Variants in CSMD1 observed in about 807,000 individuals in gnomAD.
CSMD1 encodes CUB and sushi domain-containing protein 1.
Under a neutral mutation model 417.5 loss-of-function variants are expected in CSMD1, and 213 were observed. The ratio of observed to expected loss-of-function variants is 0.51; its 90% CI spans 0.46 to 0.57. The LOEUF (loss-of-function observed/expected upper bound fraction) is 0.57, where lower values mean the gene tolerates loss of function less well. CSMD1 is among the 20% of genes least tolerant of loss of function. The probability of loss-of-function intolerance (pLI) is 0.00; values close to 1 mark genes in which losing one functional copy is unlikely to be tolerated. For missense variants in CSMD1, 6,923 were observed against 4,529.7 expected, an observed-to-expected ratio of 1.53 and a Z score of -15.17; for synonymous variants, 2,862 against 1,736.8, an observed-to-expected ratio of 1.65 and a Z score of -16.11.
chr8:3,760,350 G>C (rs140926513), intron 5 of CSMD1, among the ~76,000 whole-genome samples: 1 of 152,150 alleles, frequency 6.6e-6, no homozygotes, highest in Non-Finnish European at 1.5e-5. Flanking sequence ...ACTGGGTTTT[G>C]CTTCTGCTAA....
chr8:3,937,003 G>C (rs1810543320), intron 5 of CSMD1, among the ~76,000 whole-genome samples: 1 of 152,162 alleles, frequency 6.6e-6, no homozygotes, highest in African/African-American at 2.4e-5. Flanking sequence ...GAATGACTTT[G>C]TTGGGTTAAA....
At chr8:4,471,401 C>G (rs572013315) in intron 2 of CSMD1, among the ~76,000 whole-genome samples, 286 of 152,146 alleles carry the variant, frequency 1.9e-3, no homozygotes, top group African/African-American at 6.6e-3. Flanking sequence ...TGACAAGGTT[C>G]CTATACAGGT....
At chr8:3,173,785 G>A (rs1245995964) in intron 37 of CSMD1, among the ~76,000 whole-genome samples, 1 of 152,056 alleles carries the variant, frequency 6.6e-6, no homozygotes, top group Non-Finnish European at 1.5e-5. Flanking sequence ...TTCCAATTAA[G>A]AACTCTCCTC....
chr8:4,003,808 G>C (rs141296177), intron 4 of CSMD1, among the ~76,000 whole-genome samples: 4 of 151,420 alleles, frequency 2.6e-5, no homozygotes, highest in East Asian at 2.0e-4. Context: ...TGAGTATATT[G>C]TACGTGTCTG....
chr8:2,965,135 T>C, intron 59 of CSMD1, among the ~76,000 whole-genome samples: 1 of 152,168 alleles, frequency 6.6e-6, no homozygotes, highest in Non-Finnish European at 1.5e-5. Context: ...TCCCTGGCCC[T>C]TGCACAGCCG....
chr8:3,099,515 T>C (rs936678216), intron 46 of CSMD1, among the ~76,000 whole-genome samples: 8 of 152,216 alleles, frequency 5.3e-5, no homozygotes, highest in African/African-American at 1.7e-4. Context: ...GCGTTTCATT[T>C]TGTGGGATTA....
rs1157148938 is a variant in CSMD1 at position 4,565,757 on chromosome 8, T to C, written c.302+71585A>G. ...CTTAAAAAAAATATATACATATATATATATATATATATATATATATATATA... is the reference window on the plus strand; with the variant it reads ...CTTAAAAAAAATATATACATATATACATATATATATATATATATATATATA... On this transcript the variant is annotated intron_variant, in intron 2 of 69. Coordinates refer to ENST00000635120, the MANE Select transcript of CSMD1 (RefSeq NM_033225.6). Among the ~76,000 whole-genome samples the C allele has an allele frequency of 2.1e-3, 13 of 6,268 alleles. No homozygotes were observed. In the East Asian group the frequency reaches 0.031, roughly 15 times the overall value. The allele number at this position is 6,268 out of a possible 152,430, so 4.1% of individuals were successfully genotyped here.
At chr8:4,324,504 C>G (rs1009739397) in intron 3 of CSMD1, among the ~76,000 whole-genome samples, 6 of 152,176 alleles carry the variant, frequency 3.9e-5, no homozygotes, top group East Asian at 1.9e-4. Flanking sequence ...GAAGTGCACA[C>G]AAAAGAGGGT....
chr8:3,156,198 A>C (rs1055044210), intron 39 of CSMD1, among the ~76,000 whole-genome samples: 11 of 152,192 alleles, frequency 7.2e-5, no homozygotes, highest in Admixed American at 6.5e-5. Flanking sequence ...CTAAAACACC[A>C]TTTGGCAGTA....
intron 3 of CSMD1, among the ~76,000 whole-genome samples, chr8:4,173,915 C>T (rs1392900133): frequency 6.6e-6 from 1 of 152,084 alleles, no homozygotes; most frequent in South Asian, 2.1e-4. Context: ...ACACATGGCT[C>T]AGGGTATGAA....
chr8:4,908,207 C>G (rs1231813143), intron 1 of CSMD1, among the ~76,000 whole-genome samples: 2 of 152,102 alleles, frequency 1.3e-5, no homozygotes, highest in Non-Finnish European at 2.9e-5. Flanking sequence ...TTTGCAGTTT[C>G]TGATAAGAAA....
At chr8:3,601,022 A>G (rs1801336710) in intron 8 of CSMD1, among the ~76,000 whole-genome samples, 1 of 152,182 alleles carries the variant, frequency 6.6e-6, no homozygotes. Flanking sequence ...AGAATCAGCT[A>G]TGATTGGACA....
At chr8:4,235,916 G>A (rs544971101) in intron 3 of CSMD1, among the ~76,000 whole-genome samples, 2 of 151,978 alleles carry the variant, frequency 1.3e-5, no homozygotes, top group African/African-American at 2.4e-5. Context: ...CGCAGCTTCC[G>A]CCAACAAACC....
At chr8:4,963,853 G>C (rs1809677197) in intron 1 of CSMD1, among the ~76,000 whole-genome samples, 1 of 151,980 alleles carries the variant, frequency 6.6e-6, no homozygotes, top group African/African-American at 2.4e-5. Context: ...AATCATACTA[G>C]CCTAACCTAA....
intron 16 of CSMD1, among the ~76,000 whole-genome samples, chr8:3,398,476 C>T (rs1206082354): frequency 6.6e-6 from 1 of 152,076 alleles, no homozygotes; most frequent in Admixed American, 6.5e-5. Context: ...AACACAACTC[C>T]TGCTGAAAAA....
At chr8:3,370,261 C>G (rs1027403026) in intron 18 of CSMD1, among the ~76,000 whole-genome samples, 2 of 152,196 alleles carry the variant, frequency 1.3e-5, no homozygotes, top group Non-Finnish European at 2.9e-5. Flanking sequence ...TCAAGCTATC[C>G]TATGAATGGA....
intron 3 of CSMD1, among the ~76,000 whole-genome samples, chr8:4,415,595 T>G (rs1796890457): frequency 6.6e-6 from 1 of 152,214 alleles, no homozygotes; most frequent in Non-Finnish European, 1.5e-5. Context: ...GATTGTTTCA[T>G]TCTCCTTCAC....
intron 10 of CSMD1, among the ~76,000 whole-genome samples, chr8:3,522,941 A>T (rs1042573149): frequency 1.4e-4 from 21 of 150,650 alleles, no homozygotes; most frequent in Non-Finnish European, 3.1e-4. Context: ...TTATATATTG[A>T]CAAATATTTA....
chr8:4,134,345 T>G lies in CSMD1; in HGVS notation c.416-102246A>C, dbSNP rs997139745. Among the ~76,000 whole-genome samples, 3 of 152,232 alleles carry G rather than the reference T, an allele frequency of 2.0e-5. No homozygotes were observed. In the South Asian group the frequency reaches 6.2e-4, roughly 32 times the overall value. ...AAGACATCTTTAAGGTGGGTCCTCATCCATGACGATTTTTATTCTTATATG... is the reference window on the plus strand; with the variant it reads ...AAGACATCTTTAAGGTGGGTCCTCAGCCATGACGATTTTTATTCTTATATG... On this transcript the variant is annotated intron_variant, in intron 3 of 69. Transcript: ENST00000635120.
Sources: gnomAD v4.1 joint callset for allele counts (sites outside exome capture counted in the v4.1 genomes callset) on GRCh38, gnomAD v4.1.1 for gene constraint, MANE v1.5 for transcripts, NCBI Gene and HGNC (gene_info 2026-07-23, HGNC 2026-07-21) for gene names.